Variants in CSNK1G2 observed in about 807,000 individuals in gnomAD.
CSNK1G2 encodes the protein casein kinase 1 gamma 2.
Under a neutral mutation model 48.0 loss-of-function variants are expected in CSNK1G2, and 11 were observed. The observed-to-expected ratio is 0.23, with a 90% confidence interval of 0.14 to 0.38. The LOEUF (loss-of-function observed/expected upper bound fraction) is 0.38, where lower values mean the gene tolerates loss of function less well. Ranked by LOEUF, CSNK1G2 falls within the 10% of genes least tolerant of loss-of-function variation. CSNK1G2 has a pLI of 1.00. For missense variants in CSNK1G2, 446 were observed against 595.5 expected (o/e 0.75, Z 2.61); for synonymous variants, 337 against 254.1 (o/e 1.33, Z -3.10).
chr19:1,947,912 G>A (rs2014621233), intron 1 of CSNK1G2, among the ~76,000 whole-genome samples: 2 of 151,924 alleles, frequency 1.3e-5, no homozygotes, highest in South Asian at 4.2e-4. Context: ...CTCGCCCGCG[G>A]CCCTGGGCAA....
intron 1 of CSNK1G2, among the ~76,000 whole-genome samples, chr19:1,949,396 C>T (rs974649424): frequency 3.3e-5 from 5 of 152,240 alleles, no homozygotes; most frequent in Non-Finnish European, 5.9e-5. Context: ...TGGAATCACA[C>T]GGGATGAGGC....
intron 2 of CSNK1G2, among the ~76,000 whole-genome samples, chr19:1,970,737 C>T (rs534981817): frequency 2.0e-5 from 3 of 152,322 alleles, no homozygotes; most frequent in Admixed American, 6.5e-5. Context: ...GGGCATTTGG[C>T]GTCTGTTGCT....
In CSNK1G2 at chr19:1,965,319, G is replaced by C. The variant is rs370338343; in HGVS notation, c.-265-4189G>C. Among the ~76,000 whole-genome samples, 9 of 150,280 alleles carry C rather than the reference G, an allele frequency of 6.0e-5. No homozygotes were observed. The East Asian group carries it at 1.1e-3, about 18-fold the overall frequency. ...AATGGCATGAACCCAGGAGGCGGAGGTTGCAGTGAGCCGAGATTGTGCCAC... is the reference window on the plus strand; with the variant it reads ...AATGGCATGAACCCAGGAGGCGGAGCTTGCAGTGAGCCGAGATTGTGCCAC... On this transcript the variant is annotated intron_variant, in intron 1 of 11. Transcript: ENST00000255641.
In CSNK1G2 at chr19:1,978,705, C is replaced by A. The variant is rs776258099; in HGVS notation, c.402C>A (p.Asp134Glu). ...TGGAGGACCTGTTCGACCTGTGCGA[C>A]CGGACCTTCACGCTCAAGACGGTGC... is the stretch of plus-strand genomic sequence containing the variant. ...PSLEDLFDLC[D>E]RTFTLKTVLM... is the part of the protein sequence containing the mutation. Residue 134 changes from aspartate to glutamate, a missense_variant, in exon 5 of 12, where the codon GAC becomes GAA. Transcript: ENST00000255641. The surrounding 1 kb of genome is among the most constrained non-coding windows in gnomAD (Gnocchi z 7.3). 9 of 1,604,278 alleles carry A rather than the reference C, an allele frequency of 5.6e-6. No homozygotes were observed. Among genetic ancestry groups the A allele is most frequent in the African/African-American group, 1.3e-5 (1 of 74,728 alleles).
intron 1 of CSNK1G2, among the ~76,000 whole-genome samples, chr19:1,941,854 C>T (rs1310067022): frequency 6.6e-6 from 1 of 150,528 alleles, no homozygotes; most frequent in Non-Finnish European, 1.5e-5. Flanking sequence ...TAGTCCCCAC[C>T]CCACCTCCCG....
chr19:1,955,229 C>G (rs953899213), intron 1 of CSNK1G2, among the ~76,000 whole-genome samples: 14 of 152,066 alleles, frequency 9.2e-5, no homozygotes, highest in Non-Finnish European at 1.9e-4. Context: ...GCAGGGGGAG[C>G]TGGGCACCCG....
chr19:1,976,977 G>A (rs1212974109), intron 2 of CSNK1G2, among the ~76,000 whole-genome samples: 1 of 152,142 alleles, frequency 6.6e-6, no homozygotes. Flanking sequence ...GACCTCAGGT[G>A]ATCCGCCTGC....
rs1369928013 is a variant in CSNK1G2 at position 1,980,142 on chromosome 19, T to C, written c.1194-7T>C. 6.2e-7 allele frequency: 1 copy of C among 1,612,878 alleles called. No homozygotes were observed. The highest frequency in any genetic ancestry group is 2.2e-5 in the East Asian group (1 of 44,856). ...GGTCCTCCTACCTGAGCCACTGCCCTCCTCAGATGCTGCTGTTTCTTCAAG... is the reference window on the plus strand; with the variant it reads ...GGTCCTCCTACCTGAGCCACTGCCCCCCTCAGATGCTGCTGTTTCTTCAAG... On this transcript the variant is annotated splice_region_variant and splice_polypyrimidine_tract_variant and intron_variant, in intron 11 of 11. Coordinates refer to ENST00000255641, the MANE Select transcript of CSNK1G2 (RefSeq NM_001319.7).
At position 1,978,560 on chromosome 19, in the gene CSNK1G2, G is replaced by C; in HGVS notation, c.299-42G>C. Reference sequence around the variant, plus strand: ...GCGGGGGCTGCGCAGGGGCAGGGAGGGGGCTGCCGCCGCACGCCCGTGCGT... The same window carrying C: ...GCGGGGGCTGCGCAGGGGCAGGGAGCGGGCTGCCGCCGCACGCCCGTGCGT... On this transcript the variant is annotated intron_variant, in intron 4 of 11. Transcript: ENST00000255641. This position sits in a 1 kb window ranked among gnomAD's most constrained non-coding sequence, Gnocchi z 7.3. 1 of 1,571,034 alleles carries C rather than the reference G, an allele frequency of 6.4e-7. No individual in the cohort carries two copies. The highest frequency in any genetic ancestry group is 8.6e-7 in the Non-Finnish European group (1 of 1,158,778).
rs957003416 is a variant in CSNK1G2, at chr19:1,981,154, G to C, written c.*951G>C. On this transcript the variant is annotated 3_prime_UTR_variant, in exon 12 of 12. Transcript: ENST00000255641. ...CCCTGGACTGGCGGGCGGTTCCCCAGTGGGGTGCCCTGGAGGCTGCCGGGC... is the reference window on the plus strand; with the variant it reads ...CCCTGGACTGGCGGGCGGTTCCCCACTGGGGTGCCCTGGAGGCTGCCGGGC... The C allele has an allele frequency of 2.0e-5, 3 of 152,298 alleles. No homozygotes were observed. The highest frequency in any genetic ancestry group is 7.2e-5 in the African/African-American group (3 of 41,460). 9.4% of individuals were successfully genotyped at this position (152,298 alleles called of 1,614,324 possible). A position where few individuals can be genotyped will look rare whatever the true frequency, so the allele number is the denominator to read the frequency against.
chr19:1,946,184 G>A (rs2145495071), intron 1 of CSNK1G2, among the ~76,000 whole-genome samples: 1 of 152,332 alleles, frequency 6.6e-6, no homozygotes, highest in Non-Finnish European at 1.5e-5. Context: ...GCAGAGGAGG[G>A]GGCGCAGGTG....
rs548434702 is a variant in CSNK1G2, at chr19:1,948,166, C to T, written c.-266+6748C>T. ...CATTCTGGAAGGCCGCTGCCCCGGG[C>T]CCTGTCCCTCCCCCTCTCATCCCCA... is the stretch of plus-strand genomic sequence containing the variant. On this transcript the variant is annotated intron_variant, in intron 1 of 11. Coordinates refer to ENST00000255641, the MANE Select transcript of CSNK1G2 (RefSeq NM_001319.7). 3.3e-5 allele frequency among the ~76,000 whole-genome samples: 5 copies of T among 152,336 alleles called. 1 individual carries two copies. The highest frequency in any genetic ancestry group is 9.6e-5 in the African/African-American group (4 of 41,578).
chr19:1,969,973 C>G lies in CSNK1G2; in HGVS notation c.187+14C>G, dbSNP rs752174642. 1 of 1,302,510 alleles carries G rather than the reference C, an allele frequency of 7.7e-7. No individual in the cohort carries two copies. Among genetic ancestry groups the G allele is most frequent in the Admixed American group, 3.1e-5 (1 of 32,692 alleles). The allele number at this position is 1,302,510 out of a possible 1,614,324, so 80.7% of individuals were successfully genotyped here. A position where few individuals can be genotyped will look rare whatever the true frequency, so the allele number is the denominator to read the frequency against. ...AGCTCCGCCTAGGTGAGGCCCTGCT[C>G]GGTGGTAGGTGGGGTCGGGAGGCTG... On this transcript the variant is annotated intron_variant, in intron 2 of 11. Transcript: ENST00000255641.
At chr19:1,942,988 C>T (rs2014425278) in intron 1 of CSNK1G2, among the ~76,000 whole-genome samples, 1 of 152,136 alleles carries the variant, frequency 6.6e-6, no homozygotes, top group Non-Finnish European at 1.5e-5. Context: ...TTTTGCTCAG[C>T]CCCCCACAGT....
intron 2 of CSNK1G2, among the ~76,000 whole-genome samples, chr19:1,973,455 C>G (rs1309523323): frequency 6.6e-6 from 1 of 152,226 alleles, no homozygotes; most frequent in Non-Finnish European, 1.5e-5. Context: ...GGTGATCTGC[C>G]CGCCTTGGCC....
intron 1 of CSNK1G2, among the ~76,000 whole-genome samples, chr19:1,953,182 C>T (rs1337906034): frequency 2.0e-5 from 3 of 152,168 alleles, no homozygotes; most frequent in Non-Finnish European, 4.4e-5. Context: ...GCTTTCTTTC[C>T]TGGTGGGGTG....
At chr19:1,949,830 A>C (rs576345512) in intron 1 of CSNK1G2, among the ~76,000 whole-genome samples, 1 of 152,220 alleles carries the variant, frequency 6.6e-6, no homozygotes, top group Non-Finnish European at 1.5e-5. Context: ...CCTGCAGGGC[A>C]TCAGGGACCC....
chr19:1,944,473 T>C (rs2014480984), intron 1 of CSNK1G2, among the ~76,000 whole-genome samples: 1 of 152,080 alleles, frequency 6.6e-6, no homozygotes, highest in Non-Finnish European at 1.5e-5. Flanking sequence ...AGGTGGTGTT[T>C]CCCGAGGGCT....
At chr19:1,959,929 A>G (rs2015142937) in intron 1 of CSNK1G2, among the ~76,000 whole-genome samples, 1 of 149,802 alleles carries the variant, frequency 6.7e-6, no homozygotes, top group South Asian at 2.1e-4. Context: ...ATCCCTGGCT[A>G]CACATTGTGG....
Sources: allele counts gnomAD v4.1 joint callset (sites outside exome capture counted in the v4.1 genomes callset), GRCh38; gene constraint gnomAD v4.1.1; non-coding constraint Gnocchi (gnomAD v3.1); transcripts MANE v1.5; gene names NCBI Gene and HGNC (gene_info 2026-07-23, HGNC 2026-07-21).